GRM4: variants seen among roughly 807,000 people sequenced by gnomAD.
The protein encoded by GRM4 is glutamate metabotropic receptor 4, also known as metabotropic glutamate receptor 4.
A neutral mutation model predicts 81.7 loss-of-function variants in GRM4; 28 were observed. That is an observed-to-expected ratio of 0.34 (90% CI 0.25 to 0.47). GRM4 has a LOEUF of 0.47. Among genes scored for constraint, GRM4 ranks in the 20% least tolerant of loss-of-function variants. The probability of loss-of-function intolerance (pLI) is 1.00; values close to 1 mark genes in which losing one functional copy is unlikely to be tolerated. For synonymous variants in GRM4, 488 were observed against 528.8 expected (o/e 0.92, Z 1.06); for missense variants, 948 against 1,290.0 (o/e 0.73, Z 4.06).
chr6:34,088,563 T>C (rs1768035290), intron 3 of GRM4, among the ~76,000 whole-genome samples: 1 of 152,180 alleles, frequency 6.6e-6, no homozygotes, highest in Admixed American at 6.5e-5. Flanking sequence ...GAGCCTGACC[T>C]CTTAAGCACC....
chr6:34,124,452 T>C (rs1388637801), intron 2 of GRM4, among the ~76,000 whole-genome samples: 2 of 152,242 alleles, frequency 1.3e-5, no homozygotes, highest in African/African-American at 2.4e-5. Context: ...CGATGCGCAC[T>C]ACATGCTTTG....
At chr6:34,104,851 G>C (rs1769039807) in intron 2 of GRM4, among the ~76,000 whole-genome samples, 1 of 152,168 alleles carries the variant, frequency 6.6e-6, no homozygotes, top group African/African-American at 2.4e-5. Context: ...CCTCCACAAG[G>C]TGGGAGTAAC....
In GRM4 at chr6:34,070,625, G is replaced by A. The variant is rs1766770256; in HGVS notation, c.737-8597C>T. Among the ~76,000 whole-genome samples the A allele has an allele frequency of 6.6e-6, 1 of 151,916 alleles. No homozygotes were observed. The highest frequency in any genetic ancestry group is 1.5e-5 in the Non-Finnish European group (1 of 67,964). On this transcript the variant is annotated intron_variant, in intron 3 of 10. Coordinates refer to ENST00000538487, the MANE Select transcript of GRM4 (RefSeq NM_000841.4). This position sits in a 1 kb window ranked among gnomAD's most constrained non-coding sequence, Gnocchi z 4.6. ...TGAGGCAGGAGGGCAGGAGCTCGGA[G>A]GACAGGGGCCTCATCACTTAGCCAG...
chr6:34,106,708 C>G (rs1320464579), intron 2 of GRM4, among the ~76,000 whole-genome samples: 1 of 152,248 alleles, frequency 6.6e-6, no homozygotes, highest in African/African-American at 2.4e-5. Context: ...CTGTTTGCCT[C>G]CCGCTGGCAC....
intron 2 of GRM4, chr6:34,103,571 T>C: frequency 2.0e-6 from 3 of 1,526,688 alleles, no homozygotes; most frequent in Non-Finnish European, 2.6e-6. Flanking sequence ...GATCAATAAA[T>C]TATACTCACT....
chr6:34,125,400 T>C (rs1284638365), intron 2 of GRM4, among the ~76,000 whole-genome samples: 1 of 151,992 alleles, frequency 6.6e-6, no homozygotes, highest in African/African-American at 2.4e-5. Context: ...GGGCGCTCCC[T>C]GGAGAAGAAA....
intron 3 of GRM4, among the ~76,000 whole-genome samples, chr6:34,077,870 C>T (rs1222332049): frequency 6.6e-6 from 1 of 152,184 alleles, no homozygotes; most frequent in Non-Finnish European, 1.5e-5. Flanking sequence ...ATCTCAATGT[C>T]TCAATCACTG....
In GRM4 at chr6:34,133,343, C is replaced by G; in HGVS notation, c.154G>C (p.Gly52Arg). The G allele has an allele frequency of 6.2e-7, 1 of 1,614,108 alleles. No individual in the cohort carries two copies. Among genetic ancestry groups the G allele is most frequent in the Non-Finnish European group, 8.5e-7 (1 of 1,180,024 alleles). The change falls in exon 2 of 11, where the codon GGA becomes CGA. Residue 52 changes from glycine (G) to arginine (R), a missense_variant. Coordinates refer to ENST00000538487, the MANE Select transcript of GRM4 (RefSeq NM_000841.4). This position sits in a 1 kb window ranked among gnomAD's most constrained non-coding sequence, Gnocchi z 6.5. Reference protein sequence around the residue: ...SIRIDGDITLGGLFPVHGRGS... With the variant: ...SIRIDGDITLRGLFPVHGRGS... ...CGGCCATGCACCGGGAACAGGCCTC[C>G]CAGTGTGATGTCCCCATCTATGCGG... is the stretch of plus-strand genomic sequence containing the variant.
intron 2 of GRM4, among the ~76,000 whole-genome samples, chr6:34,126,632 A>G (rs1233505133): frequency 6.6e-6 from 1 of 152,216 alleles, no homozygotes; most frequent in African/African-American, 2.4e-5. Flanking sequence ...GGCTTGACCC[A>G]ATGGTAAGGT....
intron 6 of GRM4, chr6:34,056,219 G>C (rs1765861914): frequency 3.9e-6 from 1 of 257,768 alleles, no homozygotes; most frequent in Non-Finnish European, 7.4e-6. Context: ...GCCCAGCCTG[G>C]TGTGCATCAA....
intron 2 of GRM4, among the ~76,000 whole-genome samples, chr6:34,118,456 C>T (rs555931621): frequency 6.6e-6 from 1 of 152,334 alleles, no homozygotes; most frequent in Admixed American, 6.5e-5. Context: ...CGAAGCCCAG[C>T]TCTGATTCTA....
At chr6:34,101,599 G>A (rs552421399) in intron 2 of GRM4, among the ~76,000 whole-genome samples, 2 of 152,244 alleles carry the variant, frequency 1.3e-5, no homozygotes, top group Non-Finnish European at 2.9e-5. Flanking sequence ...CAGCAGCTGG[G>A]AGACCAGCCC....
At chr6:34,140,498 A>G (rs1334835368) in intron 1 of GRM4, among the ~76,000 whole-genome samples, 1 of 152,206 alleles carries the variant, frequency 6.6e-6, no homozygotes, top group Non-Finnish European at 1.5e-5. Flanking sequence ...CAAAGGCCAC[A>G]GCAGCTCACA....
Position 34,079,319 on chromosome 6 carries a change from G to A in GRM4, c.736+12564C>T, listed in dbSNP as rs569549726. On this transcript the variant is annotated intron_variant, in intron 3 of 10. Coordinates refer to ENST00000538487, the MANE Select transcript of GRM4 (RefSeq NM_000841.4). ...TGAGATAGGACCACCTCCCCTGGAGGTCTCTCCCATCACTGCTCCTCAAGG... is the reference window on the plus strand; with the variant it reads ...TGAGATAGGACCACCTCCCCTGGAGATCTCTCCCATCACTGCTCCTCAAGG... Among the ~76,000 whole-genome samples, 14 of 152,186 alleles carry A rather than the reference G, an allele frequency of 9.2e-5. No individual in the cohort carries two copies. In the South Asian group the frequency reaches 2.7e-3, roughly 29 times the overall value.
Position 34,027,638 on chromosome 6 carries a change from G to A in GRM4, c.2689+482C>T, listed in dbSNP as rs149996279. ...GTGTTACAGCTGCTCTGGGCTCAGG[G>A]CCGCTCCCACCCCACCGGGTTACCA... On this transcript the variant is annotated intron_variant, in intron 10 of 10. Coordinates refer to ENST00000538487, the MANE Select transcript of GRM4 (RefSeq NM_000841.4). Among the ~76,000 whole-genome samples the A allele has an allele frequency of 6.7e-4, 102 of 152,316 alleles. 1 individual carries two copies. The highest frequency in any genetic ancestry group is 1.3e-3 in the African/African-American group (52 of 41,572).
At chr6:34,098,008 C>T (rs1306701331) in intron 2 of GRM4, among the ~76,000 whole-genome samples, 2 of 152,192 alleles carry the variant, frequency 1.3e-5, no homozygotes, top group East Asian at 1.9e-4. Context: ...CAGCACCCAT[C>T]GGAGCCGCCC....
rs1766620570 is a variant in GRM4, at chr6:34,068,754, T to C, written c.737-6726A>G. 6.6e-6 allele frequency among the ~76,000 whole-genome samples: 1 copy of C among 151,424 alleles called. No homozygotes were observed. The highest frequency in any genetic ancestry group is 1.5e-5 in the Non-Finnish European group (1 of 67,814). On this transcript the variant is annotated intron_variant, in intron 3 of 10. Transcript: ENST00000538487. This position sits in a 1 kb window ranked among gnomAD's most constrained non-coding sequence, Gnocchi z 4.2. The stretch of plus-strand genomic sequence containing the variant: ...CCTGCTGTGGGGAGACAGTCAGGGG[T>C]CCCCCAGGCTGTCACCTTGGACACT...
At chr6:34,109,547 C>T (rs1448932574) in intron 2 of GRM4, among the ~76,000 whole-genome samples, 1 of 152,206 alleles carries the variant, frequency 6.6e-6, no homozygotes, top group Non-Finnish European at 1.5e-5. Flanking sequence ...CAAAGGGAGG[C>T]CCAAAGCCCT....
At chr6:34,125,438 T>G (rs561654729) in intron 2 of GRM4, among the ~76,000 whole-genome samples, 1 of 152,150 alleles carries the variant, frequency 6.6e-6, no homozygotes, top group South Asian at 2.1e-4. Flanking sequence ...TCTGGGTCAG[T>G]GGCCAGCTGA....
Sources: allele counts gnomAD v4.1 joint callset (sites outside exome capture counted in the v4.1 genomes callset), GRCh38; gene constraint gnomAD v4.1.1; non-coding constraint Gnocchi (gnomAD v3.1); transcripts MANE v1.5; gene names NCBI Gene and HGNC (gene_info 2026-07-23, HGNC 2026-07-21).